Variants in CATSPERE observed in about 807,000 individuals in gnomAD.
The protein encoded by CATSPERE is catsper channel auxiliary subunit epsilon, also known as cation channel sperm-associated auxiliary subunit epsilon.
In CATSPERE, 93 loss-of-function variants were observed where a neutral mutation model predicts 114.1. That is an observed-to-expected ratio of 0.81 (90% CI 0.69 to 0.97). The LOEUF (loss-of-function observed/expected upper bound fraction) is 0.97, where lower values mean the gene tolerates loss of function less well. CATSPERE is among the 50% of genes least tolerant of loss of function. The pLI, the probability that CATSPERE is intolerant of heterozygous loss-of-function variation, is 0.00. For synonymous variants in CATSPERE, 341 were observed against 384.1 expected (o/e 0.89, Z 1.31); for missense variants, 1,058 against 1,131.6 (o/e 0.93, Z 0.93).
intron 20 of CATSPERE, among the ~76,000 whole-genome samples, chr1:244,625,172 GA>G (rs1172880811): frequency 6.6e-6 from 1 of 151,508 alleles, no homozygotes; most frequent in Admixed American, 6.6e-5. Flanking sequence ...ATAGCCTTAT[GA>G]GATGTAATTC....
chr1:244,526,648 T>C (rs1254495269), intron 8 of CATSPERE, among the ~76,000 whole-genome samples: 1 of 140,888 alleles, frequency 7.1e-6, no homozygotes. Context: ...CTTAGTCTTT[T>C]TCTTTTTTTT....
rs187353018 is a variant in CATSPERE, at chr1:244,582,694, A to C, written c.2009+840A>C. On this transcript the variant is annotated intron_variant, in intron 12 of 21. Transcript: ENST00000366534. ...TGGGATTACAGGCATGAGCCACTGCACCCGCAGGAAGAATCCATTTTTCTT... is the reference window on the plus strand; with the variant it reads ...TGGGATTACAGGCATGAGCCACTGCCCCCGCAGGAAGAATCCATTTTTCTT... Among the ~76,000 whole-genome samples, 232 of 151,906 alleles carry C rather than the reference A, an allele frequency of 1.5e-3. 1 individual carries two copies. The highest frequency in any genetic ancestry group is 5.3e-3 in the African/African-American group (218 of 41,460).
At chr1:244,470,987 G>A (rs893138251) in intron 2 of CATSPERE, among the ~76,000 whole-genome samples, 1 of 152,204 alleles carries the variant, frequency 6.6e-6, no homozygotes, top group Non-Finnish European at 1.5e-5. Context: ...CAGAAAGTAA[G>A]TTAGTGCCTG....
Position 244,504,096 on chromosome 1 carries a change from T to TA in CATSPERE, c.429+5021dup, listed in dbSNP as rs1674474628. On this transcript the variant is annotated intron_variant, in intron 7 of 21. Transcript: ENST00000366534. The surrounding 1 kb of genome is among the most constrained non-coding windows in gnomAD (Gnocchi z 4.1). The stretch of plus-strand genomic sequence containing the variant: ...TTAACATGGTAACCATAGTAGAATG[T>TA]AAAACCAATGTGGGACAGTTAAATA... Among the ~76,000 whole-genome samples the TA allele has an allele frequency of 1.3e-5, 2 of 152,210 alleles. No homozygotes were observed. The highest frequency in any genetic ancestry group is 4.8e-5 in the African/African-American group (2 of 41,466).
At chr1:244,564,824 C>T (rs1490277466) in intron 10 of CATSPERE, among the ~76,000 whole-genome samples, 1 of 152,122 alleles carries the variant, frequency 6.6e-6, no homozygotes, top group African/African-American at 2.4e-5. Context: ...TTGTCTTGTG[C>T]CAGTTTTCAG....
chr1:244,489,612 G>A (rs1320052083), intron 5 of CATSPERE, among the ~76,000 whole-genome samples: 2 of 151,788 alleles, frequency 1.3e-5, no homozygotes, highest in Non-Finnish European at 2.9e-5. Flanking sequence ...GAAACTATGT[G>A]CAGGAGTGAT....
intron 19 of CATSPERE, among the ~76,000 whole-genome samples, chr1:244,614,220 C>T (rs960848840): frequency 3.9e-5 from 6 of 152,254 alleles, no homozygotes; most frequent in African/African-American, 9.6e-5. Flanking sequence ...CAGCACAGGT[C>T]GCTCAAGCTG....
At position 244,633,184 on chromosome 1, in the gene CATSPERE, A is replaced by G. The variant is rs1290884007; in HGVS notation, c.2649-2305A>G. Among the ~76,000 whole-genome samples, 3 of 152,264 alleles carry G rather than the reference A, an allele frequency of 2.0e-5. No homozygotes were observed. Among genetic ancestry groups the G allele is most frequent in the African/African-American group, 7.2e-5 (3 of 41,474 alleles). On this transcript the variant is annotated intron_variant, in intron 20 of 21. Transcript: ENST00000366534. The surrounding 1 kb of genome is among the most constrained non-coding windows in gnomAD (Gnocchi z 4.1). ...CCTAATTGCAGTTGGAGATTTCAAC[A>G]TTCCTTTCTCAGAAATTGATAGGAC...
intron 19 of CATSPERE, among the ~76,000 whole-genome samples, chr1:244,615,614 A>G (rs1348288659): frequency 6.6e-6 from 1 of 152,022 alleles, no homozygotes; most frequent in Non-Finnish European, 1.5e-5. Context: ...GGAATTTTTC[A>G]GCTCCACTGT....
At chr1:244,480,961 G>C (rs6676742) in intron 5 of CATSPERE, among the ~76,000 whole-genome samples, 34,070 of 152,106 alleles carry the variant, frequency 0.22, 4,424 homozygotes, top group African/African-American at 0.34. Flanking sequence ...AAATGGACAA[G>C]GGCAAATTTG....
chr1:244,609,735 T>A (rs1670466284), intron 18 of CATSPERE, among the ~76,000 whole-genome samples: 2 of 152,226 alleles, frequency 1.3e-5, no homozygotes, highest in African/African-American at 4.8e-5. Flanking sequence ...GTGAAACAAT[T>A]AGAATTAATA....
chr1:244,457,248 T>C (rs926446021), upstream of CATSPERE, among the ~76,000 whole-genome samples: 2 of 152,166 alleles, frequency 1.3e-5, no homozygotes, highest in Non-Finnish European at 2.9e-5. Context: ...TGTGTCCAAA[T>C]CACAGGGTTT....
chr1:244,588,085 T>C (rs1374807974), intron 13 of CATSPERE, among the ~76,000 whole-genome samples: 1 of 151,600 alleles, frequency 6.6e-6, no homozygotes, highest in Admixed American at 6.6e-5. Flanking sequence ...TCCCAGCTAC[T>C]TGGGAGGCTG....
chr1:244,451,263 A>C (rs1438192340), upstream of CATSPERE, among the ~76,000 whole-genome samples: 1 of 152,158 alleles, frequency 6.6e-6, no homozygotes, highest in African/African-American at 2.4e-5. This position sits in a 1 kb window ranked among gnomAD's most constrained non-coding sequence, Gnocchi z 6.6. Context: ...AGTTGGGAGC[A>C]GGCCTCGGGC....
chr1:244,576,513 C>G (rs975387312), intron 11 of CATSPERE, among the ~76,000 whole-genome samples: 1 of 147,252 alleles, frequency 6.8e-6, no homozygotes, highest in Non-Finnish European at 1.5e-5. Flanking sequence ...AGTACAATTG[C>G]CTTGCTGAGA....
chr1:244,517,975 AG>A (rs1676915632), intron 7 of CATSPERE, among the ~76,000 whole-genome samples: 1 of 152,212 alleles, frequency 6.6e-6, no homozygotes, highest in Non-Finnish European at 1.5e-5. Flanking sequence ...AAGCAGTATT[AG>A]AGGATTAGGA....
rs3005925 is a variant in CATSPERE, at chr1:244,519,910, G to T, written c.536+1212G>T. 7.3e-3 allele frequency among the ~76,000 whole-genome samples: 1,105 copies of T among 152,264 alleles called. 14 individuals carry two copies. The highest frequency in any genetic ancestry group is 0.025 in the African/African-American group (1,025 of 41,546). ...TCTTAACAATTTGGCAAACATTAAT[G>T]TCTTGATTTAACCCACCATCACTAT... is the stretch of plus-strand genomic sequence containing the variant. On this transcript the variant is annotated intron_variant, in intron 8 of 21. Coordinates refer to ENST00000366534, the MANE Select transcript of CATSPERE (RefSeq NM_001130957.2).
At chr1:244,634,011 A>G (rs1674313893) in intron 20 of CATSPERE, among the ~76,000 whole-genome samples, 1 of 151,880 alleles carries the variant, frequency 6.6e-6, no homozygotes, top group African/African-American at 2.4e-5. Flanking sequence ...TTATAGGCAC[A>G]GACCCCCACA....
At chr1:244,499,673 T>C (rs1673708732) in intron 7 of CATSPERE, among the ~76,000 whole-genome samples, 1 of 152,180 alleles carries the variant, frequency 6.6e-6, no homozygotes, top group African/African-American at 2.4e-5. Context: ...GGACATGAAC[T>C]CATCCTTTTT....
Sources: gnomAD v4.1 joint callset for allele counts (sites outside exome capture counted in the v4.1 genomes callset) on GRCh38, gnomAD v4.1.1 for gene constraint, Gnocchi (gnomAD v3.1) non-coding constraint, MANE v1.5 for transcripts, NCBI Gene and HGNC (gene_info 2026-07-23, HGNC 2026-07-21) for gene names.